STEAP1: variants seen among roughly 807,000 people sequenced by gnomAD.
STEAP1 encodes the protein STEAP1 protein.
Under a neutral mutation model 34.4 loss-of-function variants are expected in STEAP1, and 30 were observed. That is an observed-to-expected ratio of 0.87 (90% CI 0.65 to 1.18). The LOEUF is 1.18. Among genes scored for constraint, STEAP1 ranks in the 50% most tolerant of loss-of-function variants. The pLI is 0.00. For synonymous variants in STEAP1, 116 were observed against 135.3 expected (o/e 0.86, Z 0.99); for missense variants, 318 against 391.1 (o/e 0.81, Z 1.58).
chr7:90,155,597 ATTTTACTGTAGAAC>A (rs1794107847), intron 1 of STEAP1, among the ~76,000 whole-genome samples: 1 of 152,172 alleles, frequency 6.6e-6, no homozygotes. Flanking sequence ...TTATGAAAAG[ATTTTACTGTAGAAC>A]TTAAATTTCA....
At position 90,154,493 on chromosome 7, in the gene STEAP1, C is replaced by T. The variant is rs1794092819; in HGVS notation, c.-82C>T. The T allele has an allele frequency of 6.5e-6, 1 of 153,376 alleles. No homozygotes were observed. Among genetic ancestry groups the T allele is most frequent in the Non-Finnish European group, 1.5e-5 (1 of 68,294 alleles). The allele number at this position is 153,376 out of a possible 1,614,324, so 9.5% of individuals were successfully genotyped here. A position where few individuals can be genotyped will look rare whatever the true frequency, so the allele number is the denominator to read the frequency against. On this transcript the variant is annotated 5_prime_UTR_variant, in exon 1 of 5. Coordinates refer to ENST00000297205, the MANE Select transcript of STEAP1 (RefSeq NM_012449.3). Reference sequence around the variant, plus strand: ...CAGGCGCCGCGTGGGGCCCGCACCTCTGGGCAGCAGCGGCAGCCGAGACTC... The same window carrying T: ...CAGGCGCCGCGTGGGGCCCGCACCTTTGGGCAGCAGCGGCAGCCGAGACTC...
chr7:90,159,465 C>T (rs1241046052), intron 1 of STEAP1, among the ~76,000 whole-genome samples: 3 of 152,160 alleles, frequency 2.0e-5, no homozygotes, highest in Non-Finnish European at 4.4e-5. Flanking sequence ...GAAATTAAAT[C>T]TTCCTCAAGT....
chr7:90,155,838 C>T (rs73710131), intron 1 of STEAP1, among the ~76,000 whole-genome samples: 1 of 151,882 alleles, frequency 6.6e-6, no homozygotes, highest in Non-Finnish European at 1.5e-5. Flanking sequence ...ACCCAGACTC[C>T]GTTTGTAGTG....
intron 4 of STEAP1, 89 bp downstream of exon 4, chr7:90,162,167 A>G: frequency 6.9e-7 from 1 of 1,458,000 alleles, no homozygotes; most frequent in Non-Finnish European, 9.0e-7. Flanking sequence ...ATAAAAAATA[A>G]CAAATGTTTT....
chr7:90,162,295 C>A, intron 4 of STEAP1: 27 of 665,752 alleles, frequency 4.1e-5, no homozygotes, highest in Non-Finnish European at 5.1e-5. Flanking sequence ...TTAAAATATT[C>A]TTTGTTTTTT....
At position 90,160,978 on chromosome 7, in the gene STEAP1, T is replaced by C. The variant is rs760127479; in HGVS notation, c.258T>C (p.Phe86=). ...CTGCTATTATAGCATCTCTGACTTTTCTTTACACTCTTCTGAGGGAAGTAA... is the reference window on the plus strand; with the variant it reads ...CTGCTATTATAGCATCTCTGACTTTCCTTTACACTCTTCTGAGGGAAGTAA... ...KIAAIIASLT[F]LYTLLREVIH... Residue 86 remains phenylalanine (F), a synonymous_variant, in exon 3 of 5, where the codon TTT becomes TTC. Coordinates refer to ENST00000297205, the MANE Select transcript of STEAP1 (RefSeq NM_012449.3). The C allele has an allele frequency of 6.2e-6, 10 of 1,614,034 alleles. No individual in the cohort carries two copies. In the East Asian group the frequency reaches 2.2e-4, roughly 36 times the overall value.
chr7:90,163,265 A>T (rs1794209941), intron 4 of STEAP1, among the ~76,000 whole-genome samples: 1 of 152,220 alleles, frequency 6.6e-6, no homozygotes, highest in African/African-American at 2.4e-5. Context: ...CTAATTTTGT[A>T]GGTTCAGCCT....
rs1446080757 is a variant in STEAP1 at position 90,161,073 on chromosome 7, T to C, written c.353T>C (p.Leu118Ser). 1.2e-6 allele frequency: 2 copies of C among 1,613,898 alleles called. No homozygotes were observed. Among genetic ancestry groups the C allele is most frequent in the African/African-American group, 2.7e-5 (2 of 74,944 alleles). The change falls in exon 3 of 5, where the codon TTG becomes TCG. Residue 118 changes from leucine (L) to serine (S), a missense_variant. By Grantham distance (145) the Leu-to-Ser change is moderately radical (BLOSUM62 -2). Coordinates refer to ENST00000297205, the MANE Select transcript of STEAP1 (RefSeq NM_012449.3). ...CCAATCCTGGTCATCAACAAAGTCT[T>C]GCCAATGGTTTCCATCACTCTCTTG... ...KIPILVINKVLPMVSITLLAL... is the reference protein window; with the variant it reads ...KIPILVINKVSPMVSITLLAL...
At chr7:90,161,811 A>G in intron 3 of STEAP1, 103 bp from the exon 4 acceptor site, 1 of 1,462,362 alleles carries the variant, frequency 6.8e-7, no homozygotes. Flanking sequence ...GAGACCTGTT[A>G]TCAGGGCTTC....
At chr7:90,157,849 T>C (rs1184427818) in intron 1 of STEAP1, among the ~76,000 whole-genome samples, 1 of 152,214 alleles carries the variant, frequency 6.6e-6, no homozygotes, top group East Asian at 1.9e-4. Flanking sequence ...CATGACAGGA[T>C]ACATTCTGAG....
At chr7:90,154,741 C>CA (rs2115952004) in intron 1 of STEAP1, among the ~76,000 whole-genome samples, 198 bp downstream of exon 1, 1 of 152,252 alleles carries the variant, frequency 6.6e-6, no homozygotes, top group African/African-American at 2.4e-5. Context: ...CGCTGCCTTC[C>CA]AGCCCAGCTG....
At chr7:90,155,228 G>T (rs977946909) in intron 1 of STEAP1, among the ~76,000 whole-genome samples, 3 of 150,426 alleles carry the variant, frequency 2.0e-5, no homozygotes, top group Non-Finnish European at 4.4e-5. Context: ...GTTAAGCACA[G>T]AGGGAAAGCA....
At chr7:90,159,183 C>T (rs1794150989) in intron 1 of STEAP1, among the ~76,000 whole-genome samples, 1 of 152,150 alleles carries the variant, frequency 6.6e-6, no homozygotes, top group Non-Finnish European at 1.5e-5. Flanking sequence ...GAAGACTGGG[C>T]ACATCATTAA....
chr7:90,156,233 C>T (rs1435088034), intron 1 of STEAP1, among the ~76,000 whole-genome samples: 1 of 152,198 alleles, frequency 6.6e-6, no homozygotes, highest in African/African-American at 2.4e-5. Flanking sequence ...GTAGGTGACA[C>T]TTCCATTCCT....
In STEAP1 at chr7:90,159,694, G is replaced by A. The variant is rs73219715; in HGVS notation, c.-31-64G>A. On this transcript the variant is annotated intron_variant, in intron 1 of 4. Coordinates refer to ENST00000297205, the MANE Select transcript of STEAP1 (RefSeq NM_012449.3). ...TTTAAGTAAGTAAATTTTTTATATT[G>A]TTACATCAAACATTCACATCATAAG... 5,089 of 899,578 alleles carry A rather than the reference G, an allele frequency of 5.7e-3. 48 individuals carry two copies. The highest frequency in any genetic ancestry group is 5.0e-3 in the Non-Finnish European group (3,241 of 647,690). The allele number at this position is 899,578 out of a possible 1,614,324, so 55.7% of individuals were successfully genotyped here.
chr7:90,163,206 A>C, intron 4 of STEAP1: 1 of 202,510 alleles, frequency 4.9e-6, no homozygotes, highest in East Asian at 1.0e-4. Context: ...CCTCCATCTG[A>C]ATTAGTCCAG....
intron 4 of STEAP1, among the ~76,000 whole-genome samples, chr7:90,164,210 A>C (rs145922583): frequency 6.6e-6 from 1 of 152,310 alleles, no homozygotes; most frequent in East Asian, 1.9e-4. Flanking sequence ...GTGGAGAAAG[A>C]GTAGACAAAG....
chr7:90,159,389 C>G (rs1006825123), intron 1 of STEAP1, among the ~76,000 whole-genome samples: 1 of 152,212 alleles, frequency 6.6e-6, no homozygotes. Context: ...TTATTACTCT[C>G]AATATAATAC....
intron 1 of STEAP1, among the ~76,000 whole-genome samples, chr7:90,158,145 T>C: frequency 6.6e-6 from 1 of 152,196 alleles, no homozygotes; most frequent in East Asian, 1.9e-4. Context: ...TGAATAGAAC[T>C]TGCAGAACTG....
Sources: gnomAD v4.1 joint callset for allele counts (sites outside exome capture counted in the v4.1 genomes callset) on GRCh38, gnomAD v4.1.1 for gene constraint, MANE v1.5 for transcripts, NCBI Gene and HGNC (gene_info 2026-07-23, HGNC 2026-07-21) for gene names.